The following RNF150 variants were observed in gnomAD, a reference collection of about 807,000 sequenced individuals.
RNF150 encodes the protein ring finger protein 150.
In RNF150, 24 loss-of-function variants were observed where a neutral mutation model predicts 39.3. The observed-to-expected ratio is 0.61, with a 90% CI of 0.44 to 0.86. The LOEUF (loss-of-function observed/expected upper bound fraction) is 0.86, where lower values mean the gene tolerates loss of function less well. Ranked by LOEUF, RNF150 falls within the 40% of genes least tolerant of loss-of-function variation. RNF150 has a pLI of 0.00. For missense variants in RNF150, 502 were observed against 587.8 expected (o/e 0.85, Z 1.51); for synonymous variants, 255 against 227.3 (o/e 1.12, Z -1.10).
chr4:141,062,971 G>T (rs1737298107), intron 1 of RNF150, among the ~76,000 whole-genome samples: 1 of 152,138 alleles, frequency 6.6e-6, no homozygotes, highest in Non-Finnish European at 1.5e-5. Flanking sequence ...TAGGATGATG[G>T]CATCCATGTT....
rs531320340 is a variant in RNF150, at chr4:140,969,387, C to T, written c.485-1514G>A. Among the ~76,000 whole-genome samples the T allele has an allele frequency of 6.6e-5, 10 of 152,138 alleles. No homozygotes were observed. In the South Asian group the frequency reaches 2.1e-3, roughly 32 times the overall value. On this transcript the variant is annotated intron_variant, in intron 1 of 6. Coordinates refer to ENST00000515673, the MANE Select transcript of RNF150 (RefSeq NM_020724.2). ...CTGGGAATAACTGAAAGTGGTGGCT[C>T]GATTTTCAACTCTGAAGAATTTACT...
intron 1 of RNF150, among the ~76,000 whole-genome samples, chr4:141,150,850 A>G (rs921534911): frequency 5.9e-5 from 9 of 152,216 alleles, no homozygotes; most frequent in Non-Finnish European, 1.0e-4. Flanking sequence ...ACATTCAATG[A>G]ACAATTCTGA....
rs537944085 is a variant in RNF150 at position 140,862,886 on chromosome 4, C to T, written c.*5375G>A. On this transcript the variant is annotated 3_prime_UTR_variant, in exon 7 of 7. Coordinates refer to ENST00000515673, the MANE Select transcript of RNF150 (RefSeq NM_020724.2). Reference sequence around the variant, plus strand: ...TTTCCAGCCCTGCTTTGACCAGCTCCCTGATCAGAGATCCTGCCATCCTCT... The same window carrying T: ...TTTCCAGCCCTGCTTTGACCAGCTCTCTGATCAGAGATCCTGCCATCCTCT... 12 of 152,326 alleles carry T rather than the reference C, an allele frequency of 7.9e-5. No homozygotes were observed. In the East Asian group the frequency reaches 2.3e-3, roughly 29 times the overall value. The allele number at this position is 152,326 out of a possible 1,614,324, so 9.4% of individuals were successfully genotyped here. A position where few individuals can be genotyped will look rare whatever the true frequency, so the allele number is the denominator to read the frequency against.
At chr4:141,049,634 G>A (rs956205908) in intron 1 of RNF150, among the ~76,000 whole-genome samples, 2 of 152,042 alleles carry the variant, frequency 1.3e-5, no homozygotes, top group African/African-American at 2.4e-5. Flanking sequence ...GGGGTGGTGG[G>A]GAAAATAAGT....
chr4:141,125,962 G>A (rs1726739325), intron 1 of RNF150, among the ~76,000 whole-genome samples: 1 of 152,120 alleles, frequency 6.6e-6, no homozygotes, highest in Admixed American at 6.6e-5. Context: ...GTCATCTTAA[G>A]CTACACTGCC....
intron 1 of RNF150, among the ~76,000 whole-genome samples, chr4:141,162,749 C>A (rs749517071): frequency 6.6e-6 from 1 of 152,092 alleles, no homozygotes; most frequent in Non-Finnish European, 1.5e-5. Context: ...AGGGACTGTG[C>A]CATGAGGAAC....
intron 1 of RNF150, among the ~76,000 whole-genome samples, chr4:140,995,657 C>T (rs1734338919): frequency 6.6e-6 from 1 of 152,136 alleles, no homozygotes; most frequent in Non-Finnish European, 1.5e-5. Context: ...TGTGTCCCGC[C>T]TCCTATCTCA....
intron 1 of RNF150, among the ~76,000 whole-genome samples, chr4:141,177,476 T>TTC (rs35665766): frequency 2.8e-5 from 4 of 142,326 alleles, no homozygotes; most frequent in South Asian, 2.4e-4. Flanking sequence ...TATTGATTCT[T>TTC]TCTCTCTCTC....
chr4:140,870,346 G>T (rs1367197655), intron 6 of RNF150, among the ~76,000 whole-genome samples: 1 of 152,070 alleles, frequency 6.6e-6, no homozygotes, highest in Non-Finnish European at 1.5e-5. Flanking sequence ...AAATAGTCAA[G>T]AAAACTAGTC....
chr4:140,950,045 A>G (rs1276193575), intron 2 of RNF150, among the ~76,000 whole-genome samples: 1 of 152,242 alleles, frequency 6.6e-6, no homozygotes, highest in African/African-American at 2.4e-5. Flanking sequence ...GAAAATTACC[A>G]TCATAATGAG....
At chr4:141,119,236 T>C (rs1243761790) in intron 1 of RNF150, among the ~76,000 whole-genome samples, 1 of 152,248 alleles carries the variant, frequency 6.6e-6, no homozygotes, top group Admixed American at 6.5e-5. Flanking sequence ...CATTTGCCGT[T>C]TGCTATTTCC....
chr4:140,917,847 G>A (rs1456442197), intron 5 of RNF150, among the ~76,000 whole-genome samples: 1 of 151,514 alleles, frequency 6.6e-6, no homozygotes, highest in African/African-American at 2.4e-5. Context: ...CTGTCTCTCA[G>A]ACCACAGTGC....
intron 1 of RNF150, among the ~76,000 whole-genome samples, chr4:140,996,211 G>A (rs79967011): frequency 0.076 from 11,551 of 152,002 alleles, 499 homozygotes; most frequent in Middle Eastern, 0.16. Context: ...TTTGATTTGC[G>A]TTTTTCTGAC....
Position 141,070,667 on chromosome 4 carries a change from C to A in RNF150, c.484+61658G>T, listed in dbSNP as rs1191038400. ...CACTGGGCATCAGAGAAATGCAAAT[C>A]AAAACCACAATGAGATACCATCTCA... On this transcript the variant is annotated intron_variant, in intron 1 of 6. Transcript: ENST00000515673. Among the ~76,000 whole-genome samples the A allele has an allele frequency of 3.5e-5, 5 of 143,906 alleles. No homozygotes were observed. In the South Asian group the frequency reaches 9.0e-4, roughly 26 times the overall value. 94.4% of individuals were successfully genotyped at this position (143,906 alleles called of 152,430 possible).
intron 5 of RNF150, among the ~76,000 whole-genome samples, chr4:140,913,066 G>A (rs758120192): frequency 6.6e-6 from 1 of 151,974 alleles, no homozygotes; most frequent in Non-Finnish European, 1.5e-5. Context: ...GAAGTCAGGT[G>A]ACCTAACCAA....
In RNF150 at chr4:140,863,582, CA is replaced by C. The variant is rs1411217998; in HGVS notation, c.*4678del. On this transcript the variant is annotated 3_prime_UTR_variant, in exon 7 of 7. Transcript: ENST00000515673. ...CTGAAGGTTATTTCAGAGTTTCTTG[CA>C]AGAGAGAAAACAAATCAGAAAAAAA... The C allele has an allele frequency of 6.6e-5, 10 of 151,350 alleles. No individual in the cohort carries two copies. Among genetic ancestry groups the C allele is most frequent in the African/African-American group, 2.4e-4 (10 of 41,116 alleles). The allele number at this position is 151,350 out of a possible 1,614,324, so 9.4% of individuals were successfully genotyped here. A position where few individuals can be genotyped will look rare whatever the true frequency, so the allele number is the denominator to read the frequency against.
At chr4:140,947,596 C>A (rs1398601742) in intron 4 of RNF150, 58 bp downstream of exon 4, 2 of 1,312,344 alleles carry the variant, frequency 1.5e-6, no homozygotes, top group Non-Finnish European at 2.2e-6. Context: ...CCAGGGAGGC[C>A]ACGCAGGCAC....
At chr4:141,039,999 A>G (rs1009959640) in intron 1 of RNF150, among the ~76,000 whole-genome samples, 4 of 152,062 alleles carry the variant, frequency 2.6e-5, no homozygotes, top group African/African-American at 9.7e-5. Flanking sequence ...TAGAAAATGA[A>G]CCCACAAACT....
intron 4 of RNF150, among the ~76,000 whole-genome samples, chr4:140,940,456 C>T (rs568392388): frequency 1.3e-5 from 2 of 152,112 alleles, no homozygotes; most frequent in South Asian, 4.1e-4. Flanking sequence ...TAAATTATGG[C>T]ACATGGGATA....
Sources: gnomAD v4.1 joint callset for allele counts (sites outside exome capture counted in the v4.1 genomes callset) on GRCh38, gnomAD v4.1.1 for gene constraint, MANE v1.5 for transcripts, NCBI Gene and HGNC (gene_info 2026-07-23, HGNC 2026-07-21) for gene names.